Variants in NTM observed in about 807,000 individuals in gnomAD.
NTM encodes IgLON family member 2.
NTM carries 13 observed loss-of-function variants against 42.1 expected under a neutral mutation model. The observed-to-expected ratio is 0.31, with a 90% CI of 0.20 to 0.49. The LOEUF (loss-of-function observed/expected upper bound fraction) is 0.49, where lower values mean the gene tolerates loss of function less well. Among genes scored for constraint, NTM ranks in the 20% least tolerant of loss-of-function variants. NTM has a pLI of 0.99. For synonymous variants in NTM, 187 were observed against 179.2 expected (o/e 1.04, Z -0.35); for missense variants, 373 against 452.8 (o/e 0.82, Z 1.60).
intron 2 of NTM, among the ~76,000 whole-genome samples, chr11:132,109,740 T>C (rs999427229): frequency 2.0e-5 from 3 of 152,076 alleles, no homozygotes; most frequent in Admixed American, 6.5e-5. Flanking sequence ...GCACACTGAG[T>C]GTGCACAGCA....
chr11:132,291,695 A>G (rs1276274805), intron 4 of NTM, among the ~76,000 whole-genome samples: 1 of 152,214 alleles, frequency 6.6e-6, no homozygotes, highest in Non-Finnish European at 1.5e-5. Context: ...GACTATCCAG[A>G]GAGGTGGTTG....
chr11:131,963,064 A>G (rs2062406093), intron 2 of NTM, among the ~76,000 whole-genome samples: 2 of 152,310 alleles, frequency 1.3e-5, no homozygotes, highest in South Asian at 4.1e-4. Context: ...CATCTTTGTC[A>G]GCATCCCATT....
intron 1 of NTM, among the ~76,000 whole-genome samples, chr11:131,763,722 T>C (rs1490912259): frequency 6.9e-6 from 1 of 145,662 alleles, no homozygotes; most frequent in Non-Finnish European, 1.5e-5. Flanking sequence ...TTTTTTTTTT[T>C]TTTTTTTTTT....
At chr11:132,133,746 T>C (rs915534119) in intron 2 of NTM, among the ~76,000 whole-genome samples, 2 of 152,304 alleles carry the variant, frequency 1.3e-5, no homozygotes, top group Admixed American at 1.3e-4. Flanking sequence ...TTTCCATGCT[T>C]CTGTTTCTGG....
intron 1 of NTM, among the ~76,000 whole-genome samples, chr11:131,749,515 G>C (rs540364092): frequency 3.9e-5 from 6 of 152,180 alleles, no homozygotes; most frequent in Non-Finnish European, 7.4e-5. Context: ...CTTGTTAGGT[G>C]GTCCCTACCT....
At chr11:131,871,320 A>G (rs998933527) in intron 1 of NTM, among the ~76,000 whole-genome samples, 3 of 152,102 alleles carry the variant, frequency 2.0e-5, no homozygotes, top group African/African-American at 7.2e-5. Flanking sequence ...TCCTATTTTC[A>G]TTTGTAGCTA....
At chr11:131,445,375 A>C (rs1230897493) in intron 1 of NTM, among the ~76,000 whole-genome samples, 1 of 152,246 alleles carries the variant, frequency 6.6e-6, no homozygotes, top group Non-Finnish European at 1.5e-5. Context: ...AGCACAGTGC[A>C]TCATCTGAAT....
At chr11:131,551,380 A>G (rs1053569980) in intron 1 of NTM, among the ~76,000 whole-genome samples, 1 of 151,806 alleles carries the variant, frequency 6.6e-6, no homozygotes, top group African/African-American at 2.4e-5. Flanking sequence ...TTGAGGGTGA[A>G]GGGAGCACAT....
chr11:131,422,014 G>A (rs1481681322), intron 1 of NTM, among the ~76,000 whole-genome samples: 1 of 152,136 alleles, frequency 6.6e-6, no homozygotes, highest in African/African-American at 2.4e-5. Flanking sequence ...AAGAATCCGT[G>A]GATGGAATAA....
intron 2 of NTM, among the ~76,000 whole-genome samples, chr11:132,082,983 C>T (rs2059278015): frequency 6.6e-6 from 1 of 152,150 alleles, no homozygotes; most frequent in South Asian, 2.1e-4. Flanking sequence ...GGTGCATGGC[C>T]CTTGGTTTGT....
At chr11:132,227,310 A>G (rs182047248) in intron 4 of NTM, among the ~76,000 whole-genome samples, 5 of 152,350 alleles carry the variant, frequency 3.3e-5, no homozygotes, top group Admixed American at 3.3e-4. Flanking sequence ...GGCAAAATGC[A>G]CTTATACACA....
At chr11:131,741,179 G>C (rs899219678) in intron 1 of NTM, among the ~76,000 whole-genome samples, 3 of 103,498 alleles carry the variant, frequency 2.9e-5, no homozygotes, top group Non-Finnish European at 6.7e-5. Context: ...GAGAGAGAGA[G>C]AGAGAGAGAG....
At chr11:131,942,776 T>A (rs2059934443) in intron 2 of NTM, among the ~76,000 whole-genome samples, 1 of 151,900 alleles carries the variant, frequency 6.6e-6, no homozygotes, top group Non-Finnish European at 1.5e-5. Context: ...TGAAACCCCA[T>A]CTCTACTAAA....
At chr11:132,031,521 G>T (rs371448433) in intron 2 of NTM, among the ~76,000 whole-genome samples, 1 of 152,112 alleles carries the variant, frequency 6.6e-6, no homozygotes, top group Admixed American at 6.5e-5. Context: ...TGGTAGATTG[G>T]GTGTTGGTAT....
chr11:131,967,165 G>A (rs2062942078), intron 2 of NTM, among the ~76,000 whole-genome samples: 1 of 152,206 alleles, frequency 6.6e-6, no homozygotes, highest in Admixed American at 6.5e-5. Context: ...ATATAAAAGA[G>A]GCTGGCACGG....
intron 1 of NTM, among the ~76,000 whole-genome samples, chr11:131,519,550 G>A (rs12225781): frequency 7.1e-6 from 1 of 141,430 alleles, no homozygotes; most frequent in African/African-American, 2.7e-5. Context: ...TTACTTTCAG[G>A]TCTTCATAGG....
At chr11:132,031,226 TTTACTC>T (rs1467657455) in intron 2 of NTM, among the ~76,000 whole-genome samples, 1 of 152,198 alleles carries the variant, frequency 6.6e-6, no homozygotes, top group Non-Finnish European at 1.5e-5. Context: ...GTTTTTGACT[TTTACTC>T]TTAGTGTGAA....
rs762627506 is a variant in NTM, at chr11:131,681,118, CGT to C, written c.83-230439_83-230438del. 3.0e-3 allele frequency among the ~76,000 whole-genome samples: 135 copies of C among 44,830 alleles called. 30 individuals carry two copies. Among genetic ancestry groups the C allele is most frequent in the African/African-American group, 7.8e-3 (128 of 16,366 alleles). 29.4% of individuals were successfully genotyped at this position (44,830 alleles called of 152,430 possible). A position where few individuals can be genotyped will look rare whatever the true frequency, so the allele number is the denominator to read the frequency against. On this transcript the variant is annotated intron_variant, in intron 1 of 8. Coordinates refer to ENST00000683400, the MANE Select transcript of NTM (RefSeq NM_001352005.2). ...GTGTATGTCTCCCTGTGTGTGTGAG[CGT>C]GTGTGTTTCTGTGTATGTATGTTTC...
In NTM at chr11:131,704,295, G is replaced by A. The variant is rs1232327190; in HGVS notation, c.83-207269G>A. Among the ~76,000 whole-genome samples, 5 of 152,122 alleles carry A rather than the reference G, an allele frequency of 3.3e-5. No individual in the cohort carries two copies. The East Asian group carries it at 9.7e-4, about 29-fold the overall frequency. ...ATGCAAGCCCGAGGCTCATCCATGG[G>A]GACCAAGGCTCTAGTCTTGCCCTCA... On this transcript the variant is annotated intron_variant, in intron 1 of 8. Transcript: ENST00000683400.
Sources: allele counts gnomAD v4.1 joint callset (sites outside exome capture counted in the v4.1 genomes callset), GRCh38; gene constraint gnomAD v4.1.1; transcripts MANE v1.5; gene names NCBI Gene and HGNC (gene_info 2026-07-23, HGNC 2026-07-21).